Variants in ZNF385D observed in about 807,000 individuals in gnomAD.
ZNF385D encodes the protein zinc finger protein 385D.
Under a neutral mutation model 35.8 loss-of-function variants are expected in ZNF385D, and 15 were observed. The observed-to-expected ratio is 0.42, with a 90% CI of 0.28 to 0.64. ZNF385D has a LOEUF of 0.64. ZNF385D is among the 30% of genes least tolerant of loss of function. ZNF385D has a pLI of 0.23. For missense variants in ZNF385D, 474 were observed against 494.6 expected (o/e 0.96, Z 0.39); for synonymous variants, 212 against 186.8 (o/e 1.13, Z -1.10).
chr3:22,019,497 GT>G (rs1017060179), intron 3 of ZNF385D, among the ~76,000 whole-genome samples: 6 of 151,708 alleles, frequency 4.0e-5, no homozygotes, highest in African/African-American at 1.5e-4. Context: ...TGAATTTGTG[GT>G]TTATTAATCA....
chr3:21,518,783 A>T (rs1416483438), intron 3 of ZNF385D, among the ~76,000 whole-genome samples: 1 of 152,210 alleles, frequency 6.6e-6, no homozygotes, highest in African/African-American at 2.4e-5. Flanking sequence ...AAATTTAAAG[A>T]TAGAATAGTT....
At chr3:21,741,373 T>A (rs2069508004) in intron 1 of ZNF385D, among the ~76,000 whole-genome samples, 1 of 152,208 alleles carries the variant, frequency 6.6e-6, no homozygotes, top group African/African-American at 2.4e-5. Context: ...CTGATACATT[T>A]TCCTTAGTAT....
intron 2 of ZNF385D, among the ~76,000 whole-genome samples, chr3:22,303,446 G>C (rs1171052887): frequency 2.0e-5 from 3 of 152,172 alleles, no homozygotes; most frequent in African/African-American, 7.2e-5. Context: ...GCCAAGGAGA[G>C]GTATTTGCTT....
intron 1 of ZNF385D, among the ~76,000 whole-genome samples, chr3:21,721,286 G>A (rs997385181): frequency 1.3e-5 from 2 of 151,904 alleles, no homozygotes; most frequent in Non-Finnish European, 2.9e-5. Context: ...GTAGAACGCT[G>A]AAGCAGAGTG....
At chr3:21,436,422 A>G (rs1313580997) in intron 5 of ZNF385D, among the ~76,000 whole-genome samples, 1 of 152,180 alleles carries the variant, frequency 6.6e-6, no homozygotes, top group African/African-American at 2.4e-5. Flanking sequence ...GCTACTGCAA[A>G]GTTGTTGGAA....
At chr3:22,300,819 C>A (rs1702859816) in intron 2 of ZNF385D, among the ~76,000 whole-genome samples, 1 of 151,864 alleles carries the variant, frequency 6.6e-6, no homozygotes, top group African/African-American at 2.4e-5. Context: ...AAAAGGGAAT[C>A]CATGTGCAAT....
intron 3 of ZNF385D, among the ~76,000 whole-genome samples, chr3:21,845,423 CT>C (rs1695945819): frequency 2.0e-5 from 3 of 151,954 alleles, no homozygotes; most frequent in Non-Finnish European, 4.4e-5. Flanking sequence ...TCTTCTTCTC[CT>C]TCTCTTTCTT....
At chr3:22,249,258 T>C (rs1228941423) in intron 2 of ZNF385D, among the ~76,000 whole-genome samples, 2 of 152,118 alleles carry the variant, frequency 1.3e-5, no homozygotes, top group African/African-American at 4.8e-5. Context: ...TACATTGCAA[T>C]ACACAACCAG....
At chr3:21,580,194 G>A (rs1189552506) in intron 2 of ZNF385D, among the ~76,000 whole-genome samples, 1 of 152,098 alleles carries the variant, frequency 6.6e-6, no homozygotes, top group African/African-American at 2.4e-5. Flanking sequence ...GAATTACTGA[G>A]ACTGTTTCTT....
chr3:21,597,316 A>G (rs1269016533), intron 2 of ZNF385D, among the ~76,000 whole-genome samples: 2 of 152,158 alleles, frequency 1.3e-5, no homozygotes, highest in East Asian at 3.9e-4. Context: ...AGAATAAGCA[A>G]TGTTCCCGCA....
chr3:21,584,444 A>G (rs1400146057), intron 2 of ZNF385D, among the ~76,000 whole-genome samples: 1 of 152,208 alleles, frequency 6.6e-6, no homozygotes, highest in Non-Finnish European at 1.5e-5. Flanking sequence ...TGGCTGGATA[A>G]TGTGACAGAA....
intron 2 of ZNF385D, among the ~76,000 whole-genome samples, chr3:22,238,742 AT>A (rs1283109772): frequency 2.0e-5 from 3 of 149,534 alleles, no homozygotes; most frequent in South Asian, 2.2e-4. Flanking sequence ...TTATATATAG[AT>A]TTTTTTTTAG....
At chr3:22,088,603 G>A (rs1000523460) in intron 3 of ZNF385D, among the ~76,000 whole-genome samples, 2 of 152,112 alleles carry the variant, frequency 1.3e-5, no homozygotes, top group African/African-American at 2.4e-5. Context: ...GAGTGGCACC[G>A]GGAGAACAGA....
In ZNF385D at chr3:22,016,180, C is replaced by T. The variant is rs79690254; in HGVS notation, c.325+152637G>A. On this transcript the variant is annotated intron_variant, in intron 3 of 5. Transcript: ENST00000494108. ...AGTTTCCCAACCAGCAGTGATTTTT[C>T]TTCTAGGGGACATTTCACAATGTCT... 4.1e-3 allele frequency among the ~76,000 whole-genome samples: 617 copies of T among 152,090 alleles called. 2 individuals carry two copies. The highest frequency in any genetic ancestry group is 0.014 in the African/African-American group (587 of 41,458).
chr3:21,682,476 C>T (rs1226561105), intron 1 of ZNF385D, among the ~76,000 whole-genome samples: 1 of 150,138 alleles, frequency 6.7e-6, no homozygotes, highest in African/African-American at 2.5e-5. Flanking sequence ...TTCTTCATTT[C>T]CACTTAAGAC....
At chr3:21,433,693 C>T (rs552265009) in intron 5 of ZNF385D, among the ~76,000 whole-genome samples, 190 of 152,252 alleles carry the variant, frequency 1.2e-3, no homozygotes, top group Admixed American at 2.3e-3. Flanking sequence ...ATGAACTAAA[C>T]GGCCTAGGCA....
chr3:21,828,956 T>C (rs544101657), intron 3 of ZNF385D, among the ~76,000 whole-genome samples: 1 of 152,160 alleles, frequency 6.6e-6, no homozygotes, highest in African/African-American at 2.4e-5. Flanking sequence ...TTTGTCCCTC[T>C]TGTCTCCCTC....
intron 2 of ZNF385D, among the ~76,000 whole-genome samples, chr3:21,613,399 G>A (rs1042336100): frequency 4.0e-5 from 6 of 151,164 alleles, no homozygotes; most frequent in South Asian, 2.1e-4. Context: ...TTTTTTTGGC[G>A]GTTTTAGAAA....
At chr3:22,229,159 T>C (rs1393304640) in intron 2 of ZNF385D, among the ~76,000 whole-genome samples, 1 of 152,230 alleles carries the variant, frequency 6.6e-6, no homozygotes, top group Non-Finnish European at 1.5e-5. Flanking sequence ...ACTCCTTCCC[T>C]GGTCCTTTCT....
Sources: gnomAD v4.1 joint callset for allele counts (sites outside exome capture counted in the v4.1 genomes callset) on GRCh38, gnomAD v4.1.1 for gene constraint, MANE v1.5 for transcripts, NCBI Gene and HGNC (gene_info 2026-07-23, HGNC 2026-07-21) for gene names.